UNC80: variants seen among roughly 807,000 people sequenced by gnomAD.
UNC80 encodes the protein protein unc-80 homolog.
In UNC80, 164 loss-of-function variants were observed where a neutral mutation model predicts 384.6. The ratio of observed to expected loss-of-function variants is 0.43; its 90% CI spans 0.38 to 0.49. UNC80 has a LOEUF of 0.49. Among genes scored for constraint, UNC80 ranks in the 20% least tolerant of loss-of-function variants. UNC80 has a pLI of 0.00. For missense variants in UNC80, 3,330 were observed against 4,143.0 expected (o/e 0.80, Z 5.39); for synonymous variants, 1,486 against 1,527.8 (o/e 0.97, Z 0.64).
At chr2:209,941,529 A>G (rs1340577180) in intron 44 of UNC80, 40 bp downstream of exon 44, 2 of 1,492,438 alleles carry the variant, frequency 1.3e-6, no homozygotes, top group Non-Finnish European at 1.8e-6. Flanking sequence ...AATTAACATG[A>G]GTACTGCTCA....
In UNC80 at chr2:209,930,448, T is replaced by C. The variant is rs140767236; in HGVS notation, c.5907+477T>C. On this transcript the variant is annotated intron_variant, in intron 37 of 64. Transcript: ENST00000673920. ...TTTGTTCATTTCTATGCTATAGTCATATTCACTGGAAGGTTAAGTTTAGTT... is the reference window on the plus strand; with the variant it reads ...TTTGTTCATTTCTATGCTATAGTCACATTCACTGGAAGGTTAAGTTTAGTT... Among the ~76,000 whole-genome samples, 535 of 152,300 alleles carry C rather than the reference T, an allele frequency of 3.5e-3. 2 individuals carry two copies. The highest frequency in any genetic ancestry group is 0.012 in the African/African-American group (514 of 41,572).
intron 58 of UNC80, 57 bp from the exon 59 acceptor site, chr2:209,978,472 G>A: frequency 7.1e-7 from 1 of 1,408,840 alleles, no homozygotes; most frequent in Non-Finnish European, 9.5e-7. Flanking sequence ...GGAGGACTTT[G>A]AAGTGGACAT....
At chr2:209,865,860 T>C (rs2083710101) in intron 22 of UNC80, among the ~76,000 whole-genome samples, 2 of 152,194 alleles carry the variant, frequency 1.3e-5, no homozygotes, top group Non-Finnish European at 2.9e-5. Flanking sequence ...GAAAATCTCT[T>C]TATTTTGATC....
At chr2:209,879,598 T>G (rs2085096554) in intron 24 of UNC80, among the ~76,000 whole-genome samples, 1 of 152,236 alleles carries the variant, frequency 6.6e-6, no homozygotes, top group South Asian at 2.1e-4. Context: ...AAGTCTATAC[T>G]GAATGTCTAG....
At chr2:209,944,352 A>C (rs115898836) in intron 45 of UNC80, among the ~76,000 whole-genome samples, 1 of 152,116 alleles carries the variant, frequency 6.6e-6, no homozygotes, top group African/African-American at 2.4e-5. Flanking sequence ...ATCACATGTT[A>C]TATCTATTTG....
chr2:209,803,712 A>G lies in UNC80; in HGVS notation c.938+9853A>G, dbSNP rs184281030. Among the ~76,000 whole-genome samples, 376 of 151,716 alleles carry G rather than the reference A, an allele frequency of 2.5e-3. 2 individuals are homozygous for G. The highest frequency in any genetic ancestry group is 0.019 in the Admixed American group (293 of 15,238). ...CACTGGCTTGGTTCATATCCTTATCATTTCTTACTTGGATTTCTTTTTTTA... is the reference window on the plus strand; with the variant it reads ...CACTGGCTTGGTTCATATCCTTATCGTTTCTTACTTGGATTTCTTTTTTTA... On this transcript the variant is annotated intron_variant, in intron 7 of 64. Coordinates refer to ENST00000673920, the MANE Select transcript of UNC80 (RefSeq NM_001371986.1).
intron 22 of UNC80, among the ~76,000 whole-genome samples, chr2:209,867,354 A>G (rs926143234): frequency 1.3e-5 from 2 of 151,904 alleles, no homozygotes; most frequent in Admixed American, 1.3e-4. Context: ...ATTTCCATTT[A>G]TTTTGTCAGA....
chr2:209,810,454 A>C (rs1465971916), intron 7 of UNC80, among the ~76,000 whole-genome samples: 1 of 152,222 alleles, frequency 6.6e-6, no homozygotes, highest in Non-Finnish European at 1.5e-5. Context: ...GGAGTACCTG[A>C]GAATGTTGTT....
chr2:209,974,080 C>G (rs1190209113), intron 56 of UNC80, among the ~76,000 whole-genome samples: 1 of 152,174 alleles, frequency 6.6e-6, no homozygotes, highest in Non-Finnish European at 1.5e-5. Context: ...ATAAGTGGCA[C>G]TGGCAGTGGG....
intron 26 of UNC80, among the ~76,000 whole-genome samples, chr2:209,893,844 A>G (rs936041319): frequency 1.3e-5 from 2 of 152,188 alleles, no homozygotes; most frequent in Non-Finnish European, 2.9e-5. Context: ...GTTCTCTTGA[A>G]TCAAGGAATC....
Position 209,978,651 on chromosome 2 carries a change from C to G in UNC80, c.9061C>G (p.Pro3021Ala). The change falls in exon 59 of 65, where the codon CCA (proline) becomes GCA (alanine). Residue 3021 changes from proline to alanine, a missense_variant. Physicochemically the swap from Pro to Ala is conservative, Grantham distance 27. Transcript: ENST00000673920. ...CACTGTCTGGGAGCAGGACAGTGAG[C>G]CATCCCAGCAGGCTTCGCAGGACAC... ...TGTVWEQDSE[P>A]SQQASQDTLS... The G allele has an allele frequency of 6.4e-7, 1 of 1,550,908 alleles. No homozygotes were observed. Among genetic ancestry groups the G allele is most frequent in the Non-Finnish European group, 8.7e-7 (1 of 1,146,394 alleles).
At chr2:209,949,392 C>A (rs2092052635) in intron 47 of UNC80, among the ~76,000 whole-genome samples, 1 of 152,162 alleles carries the variant, frequency 6.6e-6, no homozygotes, top group Admixed American at 6.6e-5. Context: ...AAGTCCTTGT[C>A]AGGCTATAGT....
intron 35 of UNC80, among the ~76,000 whole-genome samples, chr2:209,924,623 C>T (rs2090286786): frequency 6.6e-6 from 1 of 152,090 alleles, no homozygotes; most frequent in African/African-American, 2.4e-5. Flanking sequence ...ATATGTACAG[C>T]CATCTAGATA....
At chr2:209,937,026 T>C in intron 41 of UNC80, 93 bp downstream of exon 41, 1 of 863,944 alleles carries the variant, frequency 1.2e-6, no homozygotes, top group Non-Finnish European at 1.9e-6. Flanking sequence ...GCATCGCTGT[T>C]TAGAAGGTAA....
chr2:209,920,175 GA>G (rs915283751), intron 33 of UNC80, among the ~76,000 whole-genome samples: 3 of 149,524 alleles, frequency 2.0e-5, no homozygotes, highest in East Asian at 3.9e-4. Context: ...ATCTCAAAAA[GA>G]AAAAAAAATG....
chr2:209,828,540 T>C (rs1199792943), intron 14 of UNC80, among the ~76,000 whole-genome samples: 5 of 152,252 alleles, frequency 3.3e-5, no homozygotes, highest in East Asian at 3.9e-4. Context: ...CAAGAATTTT[T>C]TCCTGGGCCT....
intron 36 of UNC80, among the ~76,000 whole-genome samples, chr2:209,928,914 T>G (rs1169264044): frequency 6.6e-6 from 1 of 152,184 alleles, no homozygotes; most frequent in African/African-American, 2.4e-5. Context: ...TACAAATGAG[T>G]GAAAACATGC....
chr2:209,970,245 CA>C (rs1417459461), intron 53 of UNC80: 1 of 232,848 alleles, frequency 4.3e-6, no homozygotes, highest in East Asian at 1.0e-4. Context: ...ACTTAAAATG[CA>C]AAGAGGATAT....
intron 61 of UNC80, among the ~76,000 whole-genome samples, chr2:209,989,576 A>T (rs1427753203): frequency 6.6e-6 from 1 of 152,190 alleles, no homozygotes; most frequent in Non-Finnish European, 1.5e-5. Context: ...AATTTTGATT[A>T]CTGCAGTTGT....
Sources: allele counts gnomAD v4.1 joint callset (sites outside exome capture counted in the v4.1 genomes callset), GRCh38; gene constraint gnomAD v4.1.1; transcripts MANE v1.5; gene names NCBI Gene and HGNC (gene_info 2026-07-23, HGNC 2026-07-21).